Variants in SYNE2 observed in about 807,000 individuals in gnomAD.
SYNE2 encodes nesprin-2.
A neutral mutation model predicts 856.3 loss-of-function variants in SYNE2; 431 were observed. The observed-to-expected ratio is 0.50, with a 90% CI of 0.47 to 0.55. The LOEUF (loss-of-function observed/expected upper bound fraction) is 0.55, where lower values mean the gene tolerates loss of function less well. Ranked by LOEUF, SYNE2 falls within the 20% of genes least tolerant of loss-of-function variation. SYNE2 has a pLI of 0.00. For missense variants in SYNE2, 8,129 were observed against 8,023.2 expected (o/e 1.01, Z -0.50); for synonymous variants, 2,923 against 2,872.3 (o/e 1.02, Z -0.56).
At chr14:64,022,716 C>A in intron 37 of SYNE2, 35 bp from the exon 38 acceptor site, 1 of 1,107,422 alleles carries the variant, frequency 9.0e-7, no homozygotes, top group Non-Finnish European at 1.4e-6. Context: ...TGAAGTCTTC[C>A]TTGAATGAAT....
chr14:63,978,095 T>TA (rs1459722266), intron 13 of SYNE2, 78 bp downstream of exon 13: 11 of 929,234 alleles, frequency 1.2e-5, no homozygotes, highest in Admixed American at 5.4e-5. Context: ...GACCACAAAA[T>TA]ACAGATTTTT....
intron 57 of SYNE2, among the ~76,000 whole-genome samples, chr14:64,083,254 T>C (rs1234171386): frequency 1.3e-5 from 2 of 152,088 alleles, no homozygotes; most frequent in Non-Finnish European, 2.9e-5. Flanking sequence ...TTTTTTTGCC[T>C]TCCCCCACTT....
chr14:64,006,941 G>A, intron 30 of SYNE2, 102 bp from the exon 31 acceptor site: 1 of 908,018 alleles, frequency 1.1e-6, no homozygotes, highest in Non-Finnish European at 1.8e-6. Flanking sequence ...TTAACCACAT[G>A]AGGACAAATT....
At chr14:64,176,730 C>G (rs2098436963) in intron 95 of SYNE2, among the ~76,000 whole-genome samples, 2 of 152,104 alleles carry the variant, frequency 1.3e-5, no homozygotes, top group African/African-American at 4.8e-5. Flanking sequence ...AAGTAGAAAT[C>G]ACATTGGTTA....
At chr14:63,934,548 C>T (rs1381469708) in intron 2 of SYNE2, among the ~76,000 whole-genome samples, 5 of 151,402 alleles carry the variant, frequency 3.3e-5, no homozygotes, top group African/African-American at 1.2e-4. Flanking sequence ...GAAATGACCC[C>T]TCATCTTATT....
chr14:64,077,333 G>T (rs2097471854), intron 54 of SYNE2, among the ~76,000 whole-genome samples: 1 of 151,948 alleles, frequency 6.6e-6, no homozygotes, highest in Non-Finnish European at 1.5e-5. Context: ...CTTTTCTTGT[G>T]GTAATTTGTG....
intron 31 of SYNE2, among the ~76,000 whole-genome samples, chr14:64,007,853 A>G (rs2096810263): frequency 1.3e-5 from 2 of 152,204 alleles, no homozygotes; most frequent in Admixed American, 1.3e-4. Flanking sequence ...TCTAAAAAAC[A>G]TAAAAAAAGT....
In SYNE2 at chr14:64,101,968, T is replaced by C; in HGVS notation, c.12418T>C (p.Trp4140Arg). 1.9e-6 allele frequency: 3 copies of C among 1,614,130 alleles called. No individual in the cohort carries two copies. The highest frequency in any genetic ancestry group is 2.5e-6 in the Non-Finnish European group (3 of 1,179,968). The change falls in exon 64 of 116, where the codon TGG becomes CGG. Residue 4140 changes from tryptophan (W) to arginine (R), a missense_variant. This residue lies in a region of SYNE2 where 5,410 missense variants were observed against 5,284.8 expected (regional missense o/e 1.02). Transcript: ENST00000555002. ...DEKAEPSPQSWSSLWKHDKDM... is the reference protein window; with the variant it reads ...DEKAEPSPQSRSSLWKHDKDM... The stretch of plus-strand genomic sequence containing the variant: ...GAAGGCAGAGCCATCGCCTCAGTCT[T>C]GGTCTTCACTTTGGAAGCATGACAA...
chr14:63,781,493 T>C (rs997235046), intron 1 of SYNE2, among the ~76,000 whole-genome samples: 2 of 151,830 alleles, frequency 1.3e-5, no homozygotes, highest in Admixed American at 1.3e-4. Flanking sequence ...TTTTTCTTTT[T>C]TTTTTCTTGG....
chr14:63,795,112 G>A (rs1417268140), intron 1 of SYNE2, among the ~76,000 whole-genome samples: 1 of 152,000 alleles, frequency 6.6e-6, no homozygotes, highest in Non-Finnish European at 1.5e-5. Flanking sequence ...TGGTGTGATG[G>A]TTAATACTGA....
In SYNE2 at chr14:64,069,617, C is replaced by A. The variant is rs192414598; in HGVS notation, c.10432-1028C>A. Among the ~76,000 whole-genome samples the A allele has an allele frequency of 6.6e-5, 10 of 152,292 alleles. No individual in the cohort carries two copies. In the South Asian group the frequency reaches 2.1e-3, roughly 32 times the overall value. On this transcript the variant is annotated intron_variant, in intron 51 of 115. Transcript: ENST00000555002. ...ATCCCAAGGATAGCATATACTGCCT[C>A]CTAGACCCCAAAAGGTCCGTTCAGT...
At chr14:64,002,236 C>T (rs1430743027) in intron 29 of SYNE2, among the ~76,000 whole-genome samples, 155 bp downstream of exon 29, 2 of 151,748 alleles carry the variant, frequency 1.3e-5, no homozygotes, top group East Asian at 1.9e-4. Flanking sequence ...TTTTTTATTT[C>T]TTAACTCTTT....
intron 45 of SYNE2, among the ~76,000 whole-genome samples, chr14:64,037,929 C>G (rs375820105): frequency 9.4e-4 from 141 of 150,326 alleles, no homozygotes; most frequent in Non-Finnish European, 1.7e-3. Context: ...GGCGGCTGGC[C>G]GGGCGGGGGG....
At chr14:63,939,791 A>G (rs186963082) in intron 2 of SYNE2, among the ~76,000 whole-genome samples, 10 of 152,354 alleles carry the variant, frequency 6.6e-5, no homozygotes, top group African/African-American at 1.9e-4. Flanking sequence ...ACACTGCTCA[A>G]GGTCACACAG....
At chr14:64,106,264 C>T (rs1386200063) in intron 64 of SYNE2, among the ~76,000 whole-genome samples, 1 of 151,836 alleles carries the variant, frequency 6.6e-6, no homozygotes, top group African/African-American at 2.4e-5. Context: ...GCTTTTGTAA[C>T]TCTTCTTTTG....
At chr14:63,836,013 A>G (rs1420034538) in intron 1 of SYNE2, among the ~76,000 whole-genome samples, 1 of 151,226 alleles carries the variant, frequency 6.6e-6, no homozygotes, top group Non-Finnish European at 1.5e-5. Context: ...AAAATATCCA[A>G]ATATTTCAAT....
intron 90 of SYNE2, among the ~76,000 whole-genome samples, chr14:64,166,596 G>A (rs900538305): frequency 2.0e-5 from 3 of 152,258 alleles, no homozygotes; most frequent in African/African-American, 7.2e-5. Flanking sequence ...TTTGTTGAAG[G>A]CCAGGTTATT....
chr14:64,217,086 G>A (rs1351771438), intron 108 of SYNE2, among the ~76,000 whole-genome samples: 1 of 152,160 alleles, frequency 6.6e-6, no homozygotes, highest in African/African-American at 2.4e-5. Context: ...ATCATTGATG[G>A]TGTGCTGCAG....
At chr14:63,794,257 C>T (rs12890491) in intron 1 of SYNE2, among the ~76,000 whole-genome samples, 96,279 of 152,048 alleles carry the variant, frequency 0.63, 30,943 homozygotes, top group South Asian at 0.77. Flanking sequence ...GTTTCATTCT[C>T]GTGCCCCAGG....
Sources: allele counts gnomAD v4.1 joint callset (sites outside exome capture counted in the v4.1 genomes callset), GRCh38; gene constraint gnomAD v4.1.1; regional missense constraint gnomAD v4.1.1; transcripts MANE v1.5; gene names NCBI Gene and HGNC (gene_info 2026-07-23, HGNC 2026-07-21).